The following NOL10 variants were observed in gnomAD, a reference collection of about 807,000 sequenced individuals.
NOL10 encodes H_NH0074G24.1.
Under a neutral mutation model 103.5 loss-of-function variants are expected in NOL10, and 58 were observed. The observed-to-expected ratio is 0.56, with a 90% CI of 0.45 to 0.70. The LOEUF is 0.70. NOL10 is among the 30% of genes least tolerant of loss of function. The probability of loss-of-function intolerance (pLI) is 0.00; values close to 1 mark genes in which losing one functional copy is unlikely to be tolerated. For missense variants in NOL10, 763 were observed against 807.3 expected (o/e 0.95, Z 0.67); for synonymous variants, 287 against 282.5 (o/e 1.02, Z -0.16).
chr2:10,645,928 AACACACACACACACAT>A (rs1378174246), intron 12 of NOL10, among the ~76,000 whole-genome samples: 3 of 121,568 alleles, frequency 2.5e-5, no homozygotes, highest in African/African-American at 4.0e-5. Context: ...ATGCACACAA[AACACACACACACACAT>A]ACACACACAC....
chr2:10,629,462 C>G (rs1677694161), intron 13 of NOL10, among the ~76,000 whole-genome samples: 1 of 151,930 alleles, frequency 6.6e-6, no homozygotes, highest in African/African-American at 2.4e-5. Flanking sequence ...AACAAAGTTT[C>G]AGATTAAATA....
intron 12 of NOL10, among the ~76,000 whole-genome samples, chr2:10,645,831 G>A (rs1338798485): frequency 6.6e-6 from 1 of 151,708 alleles, no homozygotes; most frequent in Non-Finnish European, 1.5e-5. Flanking sequence ...ATCTGGCCTC[G>A]ATACTATCTT....
chr2:10,626,205 AT>A (rs1677454125), intron 13 of NOL10, among the ~76,000 whole-genome samples: 1 of 152,086 alleles, frequency 6.6e-6, no homozygotes, highest in South Asian at 2.1e-4. Flanking sequence ...AATAAAACAA[AT>A]TTTAAAAGGG....
At chr2:10,592,730 T>C (rs1675455193) in intron 17 of NOL10, among the ~76,000 whole-genome samples, 2 of 152,210 alleles carry the variant, frequency 1.3e-5, no homozygotes, top group Non-Finnish European at 2.9e-5. Flanking sequence ...ATTTTTTTCT[T>C]AATTTAAAAC....
At chr2:10,665,706 A>C (rs1279540088) in intron 8 of NOL10, among the ~76,000 whole-genome samples, 1 of 152,142 alleles carries the variant, frequency 6.6e-6, no homozygotes, top group Non-Finnish European at 1.5e-5. Context: ...GGACCCTAAA[A>C]ACTATTTTCT....
At position 10,654,472 on chromosome 2, in the gene NOL10, A is replaced by G. The variant is rs765615137; in HGVS notation, c.973+9T>C. ...TTGTCTCACTGAACGTTCACTACAGAATGCATACCTGAGTTGGGGTAGAGA... is the reference window on the plus strand; with the variant it reads ...TTGTCTCACTGAACGTTCACTACAGGATGCATACCTGAGTTGGGGTAGAGA... On this transcript the variant is annotated intron_variant, in intron 12 of 20. Coordinates refer to ENST00000381685, the MANE Select transcript of NOL10 (RefSeq NM_024894.4). The G allele has an allele frequency of 6.4e-7, 1 of 1,570,684 alleles. No individual in the cohort carries two copies. Among genetic ancestry groups the G allele is most frequent in the Non-Finnish European group, 8.7e-7 (1 of 1,152,712 alleles).
intron 12 of NOL10, among the ~76,000 whole-genome samples, chr2:10,652,556 T>A (rs1240208112): frequency 4.6e-5 from 7 of 152,204 alleles, no homozygotes; most frequent in Non-Finnish European, 1.0e-4. Context: ...TCTGTAATCC[T>A]TAGTAGTTGC....
chr2:10,637,197 A>AAAAC (rs1678304588), intron 13 of NOL10, among the ~76,000 whole-genome samples: 1 of 150,068 alleles, frequency 6.7e-6, no homozygotes, highest in Non-Finnish European at 1.5e-5. Flanking sequence ...TCAAAAAAAA[A>AAAAC]AAAAAAAAAA....
At chr2:10,588,902 C>T in intron 19 of NOL10, 141 bp downstream of exon 19, 1 of 1,283,444 alleles carries the variant, frequency 7.8e-7, no homozygotes, top group Middle Eastern at 2.7e-4. Flanking sequence ...ACGGCCTTAC[C>T]TCCCCTGCTT....
chr2:10,667,149 G>T (rs1680618341), intron 8 of NOL10, 69 bp downstream of exon 8: 3 of 1,147,706 alleles, frequency 2.6e-6, no homozygotes, highest in South Asian at 1.3e-5. Flanking sequence ...AAGCAACTCA[G>T]TCTTTAAATA....
chr2:10,637,787 G>C (rs1452060284), intron 13 of NOL10, among the ~76,000 whole-genome samples: 1 of 152,176 alleles, frequency 6.6e-6, no homozygotes, highest in Non-Finnish European at 1.5e-5. Flanking sequence ...GCTCCAGTGC[G>C]ATTCTGAACA....
At chr2:10,682,096 T>G (rs758383003) in intron 2 of NOL10, 27 bp from the exon 3 acceptor site, 2 of 1,080,218 alleles carry the variant, frequency 1.9e-6, no homozygotes, top group South Asian at 1.9e-5. Flanking sequence ...AAACAACTAG[T>G]TTAACTAACA....
chr2:10,572,080 C>A lies in NOL10; in HGVS notation c.2058G>T (p.Ser686=). The part of the protein sequence containing the change: ...HLKSRHKRGR[S]FH Reference sequence around the variant, plus strand: ...AGGACCACTTCCCAAATCAATGAAACGACCGTCCTCTTTTGTGTCTTGACT... The same window carrying A: ...AGGACCACTTCCCAAATCAATGAAAAGACCGTCCTCTTTTGTGTCTTGACT... Residue 686 remains serine (S), a synonymous_variant, in exon 21 of 21, where the codon TCG becomes TCT. Coordinates refer to ENST00000381685, the MANE Select transcript of NOL10 (RefSeq NM_024894.4). 1 of 1,613,680 alleles carries A rather than the reference C, an allele frequency of 6.2e-7. No homozygotes were observed. The highest frequency in any genetic ancestry group is 8.5e-7 in the Non-Finnish European group (1 of 1,179,898).
intron 19 of NOL10, among the ~76,000 whole-genome samples, chr2:10,588,442 T>G (rs1416078105): frequency 2.6e-5 from 4 of 152,200 alleles, no homozygotes; most frequent in Non-Finnish European, 5.9e-5. Context: ...AATACTACTC[T>G]TTTCGATCTC....
rs1676309702 is a variant in NOL10 at position 10,607,252 on chromosome 2, T to C, written c.1086A>G (p.Glu362=). The stretch of plus-strand genomic sequence containing the variant: ...CATAGACTGTGCTTTCTGGATTCTC[T>C]TCTAATTCTTCGGTCAAGTTGTCTA... ...SFLDNLTEEL[E]ENPESTVYDD... is the part of the protein sequence containing the mutation. Residue 362 remains glutamate, a synonymous_variant, in exon 14 of 21, where the codon GAA becomes GAG. Coordinates refer to ENST00000381685, the MANE Select transcript of NOL10 (RefSeq NM_024894.4). 8 of 1,609,718 alleles carry C rather than the reference T, an allele frequency of 5.0e-6. No individual in the cohort carries two copies. The highest frequency in any genetic ancestry group is 6.8e-6 in the Non-Finnish European group (8 of 1,177,750).
chr2:10,657,315 A>T (rs1047728343), intron 11 of NOL10, among the ~76,000 whole-genome samples: 3 of 131,124 alleles, frequency 2.3e-5, no homozygotes, highest in Admixed American at 1.4e-4. Flanking sequence ...AAACTCTCTC[A>T]AAAAAAAAAA....
chr2:10,661,002 G>A (rs918606656), intron 9 of NOL10, among the ~76,000 whole-genome samples: 2 of 151,224 alleles, frequency 1.3e-5, no homozygotes, highest in East Asian at 1.9e-4. Context: ...TTTAACACTC[G>A]GGTATACATC....
At chr2:10,632,324 G>A (rs931050454) in intron 13 of NOL10, among the ~76,000 whole-genome samples, 3 of 152,206 alleles carry the variant, frequency 2.0e-5, no homozygotes, top group Admixed American at 6.5e-5. Context: ...TAGGGCTCAC[G>A]AGCCATATGG....
At chr2:10,672,322 T>C (rs1266795659) in intron 5 of NOL10, among the ~76,000 whole-genome samples, 2 of 152,034 alleles carry the variant, frequency 1.3e-5, no homozygotes, top group Non-Finnish European at 2.9e-5. Flanking sequence ...AGTGAAACTC[T>C]TGTCTCAAAA....
Sources: allele counts gnomAD v4.1 joint callset (sites outside exome capture counted in the v4.1 genomes callset), GRCh38; gene constraint gnomAD v4.1.1; transcripts MANE v1.5; gene names NCBI Gene and HGNC (gene_info 2026-07-23, HGNC 2026-07-21).